Variants in USP25 observed in about 807,000 individuals in gnomAD.
The protein encoded by USP25 is ubiquitin specific peptidase 25, also known as ubiquitin carboxyl-terminal hydrolase 25.
A neutral mutation model predicts 158.5 loss-of-function variants in USP25; 85 were observed. That is an observed-to-expected ratio of 0.54 (90% CI 0.45 to 0.64). USP25 has a LOEUF of 0.64. USP25 is among the 30% of genes least tolerant of loss of function. The pLI, the probability that USP25 is intolerant of heterozygous loss-of-function variation, is 0.00. For missense variants in USP25, 1,242 were observed against 1,327.3 expected (o/e 0.94, Z 1.00); for synonymous variants, 464 against 460.4 (o/e 1.01, Z -0.10).
Position 15,750,214 on chromosome 21 carries a change from GTTTTT to G in USP25, c.46-12658_46-12654del, listed in dbSNP as rs35867462. 5.0e-4 allele frequency among the ~76,000 whole-genome samples: 33 copies of G among 65,634 alleles called. No individual in the cohort carries two copies. The East Asian group carries it at 0.013, about 25-fold the overall frequency. The allele number at this position is 65,634 out of a possible 152,430, so 43.1% of individuals were successfully genotyped here. On this transcript the variant is annotated intron_variant, in intron 1 of 25. Coordinates refer to ENST00000400183, the MANE Select transcript of USP25 (RefSeq NM_001283041.3). Reference sequence around the variant, plus strand: ...TGTGTGTGTGTGTGTGTGTGTGTATGTTTTTTTTTTTTTTTTTTTTTTTCCTTGAG... The same window carrying G: ...TGTGTGTGTGTGTGTGTGTGTGTATGTTTTTTTTTTTTTTTTTTCCTTGAG...
At chr21:15,822,848 A>G (rs2037301550) in intron 10 of USP25, among the ~76,000 whole-genome samples, 1 of 152,040 alleles carries the variant, frequency 6.6e-6, no homozygotes, top group Non-Finnish European at 1.5e-5. Context: ...TTCAGGTATT[A>G]TCCATATAAA....
At position 15,730,283 on chromosome 21, in the gene USP25, C is replaced by G; in HGVS notation, c.-111C>G. Reference sequence around the variant, plus strand: ...CTGGCTGGCGGGGGCGCTGTCCTCCCAGGCCGTCCGCGCCGCTCCCTGGAG... The same window carrying G: ...CTGGCTGGCGGGGGCGCTGTCCTCCGAGGCCGTCCGCGCCGCTCCCTGGAG... On this transcript the variant is annotated 5_prime_UTR_variant, in exon 1 of 26. Coordinates refer to ENST00000400183, the MANE Select transcript of USP25 (RefSeq NM_001283041.3). 1.0e-6 allele frequency: 1 copy of G among 984,634 alleles called. No homozygotes were observed. Among genetic ancestry groups the G allele is most frequent in the African/African-American group, 1.8e-5 (1 of 56,980 alleles). 61.0% of individuals were successfully genotyped at this position (984,634 alleles called of 1,614,324 possible).
chr21:15,741,676 C>T (rs2123223306), intron 1 of USP25, among the ~76,000 whole-genome samples: 1 of 152,184 alleles, frequency 6.6e-6, no homozygotes, highest in South Asian at 2.1e-4. Context: ...CCAGTTTTAA[C>T]ACTCCTACAC....
chr21:15,765,969 C>G, intron 2 of USP25, 28 bp from the exon 3 acceptor site: 1 of 1,583,898 alleles, frequency 6.3e-7, no homozygotes, highest in Non-Finnish European at 8.6e-7. Flanking sequence ...TTTCAAAACA[C>G]TTGATACTCC....
intron 5 of USP25, among the ~76,000 whole-genome samples, chr21:15,797,922 G>A (rs2035940301): frequency 6.6e-6 from 1 of 151,042 alleles, no homozygotes; most frequent in Admixed American, 6.6e-5. Flanking sequence ...ATTCGTTATT[G>A]TTGCTAATCT....
At chr21:15,805,464 T>C in intron 7 of USP25, 1 of 400,590 alleles carries the variant, frequency 2.5e-6, no homozygotes, top group Non-Finnish European at 4.2e-6. Flanking sequence ...TATATTATGA[T>C]TGAAATGAAA....
At position 15,805,113 on chromosome 21, in the gene USP25, T is replaced by C; in HGVS notation, c.643-8T>C. On this transcript the variant is annotated splice_polypyrimidine_tract_variant and splice_region_variant and intron_variant, in intron 6 of 25. Transcript: ENST00000400183. ...GGTGTTTTTGTTTTTGTTTTTTTCC[T>C]TCAATAGGAACATCGGAATTTGCCT... is the stretch of plus-strand genomic sequence containing the variant. 6 of 1,567,724 alleles carry C rather than the reference T, an allele frequency of 3.8e-6. No homozygotes were observed. The highest frequency in any genetic ancestry group is 5.1e-6 in the Non-Finnish European group (6 of 1,165,168).
intron 22 of USP25, among the ~76,000 whole-genome samples, chr21:15,868,524 G>C (rs1900194025): frequency 1.3e-5 from 2 of 152,068 alleles, no homozygotes; most frequent in South Asian, 4.1e-4. Context: ...TATTCTAACT[G>C]CAGGGCTGTT....
chr21:15,818,846 G>C lies in USP25; in HGVS notation c.1080G>C (p.Glu360Asp). ...HSENSGKSGQ[E>D]HWFTELPPVL... ...AGAATTCAGGAAAATCAGGCCAAGA[G>C]GTGAGTTTAACATTTTCATTGTCCC... The change falls in exon 10 of 26, where the codon GAG (glutamate) becomes GAC (aspartate). Residue 360 changes from glutamate to aspartate, a missense_variant and splice_region_variant. Glu to Asp is a conservative substitution (Grantham distance 45, BLOSUM62 2). Transcript: ENST00000400183. 1.9e-6 allele frequency: 3 copies of C among 1,613,394 alleles called. No homozygotes were observed. Among genetic ancestry groups the C allele is most frequent in the Non-Finnish European group, 1.7e-6 (2 of 1,179,564 alleles).
At chr21:15,833,024 A>T (rs1349049352) in intron 16 of USP25, among the ~76,000 whole-genome samples, 1 of 152,106 alleles carries the variant, frequency 6.6e-6, no homozygotes, top group Admixed American at 6.6e-5. Flanking sequence ...TCTCAAAAAA[A>T]CAAACAACAA....
At chr21:15,770,992 T>A (rs1022443692) in intron 3 of USP25, among the ~76,000 whole-genome samples, 1 of 152,214 alleles carries the variant, frequency 6.6e-6, no homozygotes, top group Admixed American at 6.5e-5. Context: ...GAAAAAATTT[T>A]GAATATATAA....
chr21:15,780,461 G>C (rs1026230699), intron 4 of USP25, among the ~76,000 whole-genome samples: 4 of 152,292 alleles, frequency 2.6e-5, no homozygotes, highest in Middle Eastern at 3.4e-3. Flanking sequence ...CATTGTGACT[G>C]GTTTGTGTCT....
intron 7 of USP25, among the ~76,000 whole-genome samples, chr21:15,807,664 C>T (rs939614323): frequency 1.3e-5 from 2 of 152,180 alleles, no homozygotes; most frequent in Non-Finnish European, 2.9e-5. Context: ...ATGTGGCTTT[C>T]CCTCATGTGT....
chr21:15,873,818 G>C (rs916268735), intron 23 of USP25, among the ~76,000 whole-genome samples: 1 of 152,044 alleles, frequency 6.6e-6, no homozygotes, highest in Non-Finnish European at 1.5e-5. Flanking sequence ...ATGTTTGCAG[G>C]CTTTTTGTTT....
intron 15 of USP25, 26 bp downstream of exon 15, chr21:15,830,627 CATT>C: frequency 6.7e-7 from 1 of 1,493,428 alleles, no homozygotes; most frequent in Non-Finnish European, 9.1e-7. Flanking sequence ...AGCTAGTAAT[CATT>C]GTCAAAATTA....
chr21:15,858,435 T>C (rs1002863512), intron 20 of USP25, among the ~76,000 whole-genome samples: 9 of 151,988 alleles, frequency 5.9e-5, no homozygotes, highest in Middle Eastern at 6.3e-3. Context: ...TTTTTTTGCC[T>C]TTATGAATAG....
rs779775209 is a variant in USP25 at position 15,877,832 on chromosome 21, G to A, written c.3046G>A (p.Gly1016Arg). 8.7e-6 allele frequency: 14 copies of A among 1,612,440 alleles called. No homozygotes were observed. In the Admixed American group the frequency reaches 1.2e-4, roughly 13 times the overall value. The change falls in exon 25 of 26, where the codon GGA (glycine) becomes AGA (arginine). Residue 1016 changes from glycine (G) to arginine (R), a missense_variant. Physicochemically the swap from Gly to Arg is moderately radical, Grantham distance 125 (BLOSUM62 -2). Coordinates refer to ENST00000400183, the MANE Select transcript of USP25 (RefSeq NM_001283041.3). ...NEQAAELFES[G>R]EDREVNNGLI... ...GCAAGCCGCAGAACTCTTCGAATCT[G>A]GAGAGGATCGAGAAGTAAACAATGG...
intron 20 of USP25, among the ~76,000 whole-genome samples, chr21:15,850,996 AT>A (rs879866046): frequency 6.6e-6 from 1 of 151,936 alleles, no homozygotes; most frequent in African/African-American, 2.4e-5. Flanking sequence ...AGAAAAATGT[AT>A]TTTTTATAGT....
intron 20 of USP25, among the ~76,000 whole-genome samples, chr21:15,862,990 A>AT (rs1436399296): frequency 1.3e-5 from 2 of 151,986 alleles, no homozygotes; most frequent in Non-Finnish European, 2.9e-5. Context: ...AAAGGCATGC[A>AT]TTTTTTAAAT....
Sources: gnomAD v4.1 joint callset for allele counts (sites outside exome capture counted in the v4.1 genomes callset) on GRCh38, gnomAD v4.1.1 for gene constraint, MANE v1.5 for transcripts, NCBI Gene and HGNC (gene_info 2026-07-23, HGNC 2026-07-21) for gene names.